TNS2: variants seen among roughly 807,000 people sequenced by gnomAD.
TNS2 encodes the protein tensin 2.
TNS2 carries 77 observed loss-of-function variants against 155.7 expected under a neutral mutation model. The ratio of observed to expected loss-of-function variants is 0.49; its 90% CI spans 0.41 to 0.60. TNS2 has a LOEUF of 0.60. Ranked by LOEUF, TNS2 falls within the 20% of genes least tolerant of loss-of-function variation. The probability of loss-of-function intolerance (pLI) is 0.00; values close to 1 mark genes in which losing one functional copy is unlikely to be tolerated. For missense variants in TNS2, 1,703 were observed against 1,868.8 expected (o/e 0.91, Z 1.64); for synonymous variants, 726 against 763.9 (o/e 0.95, Z 0.82).
Position 53,062,389 on chromosome 12 carries a change from C to G in TNS2, c.3681C>G (p.Ala1227=). 1 of 1,614,040 alleles carries G rather than the reference C, an allele frequency of 6.2e-7. No homozygotes were observed. ...CCTCTCCCACAGGCAGCCTGTCCGC[C>G]TTGGTCTCCCAGCACTCCATCTCCC... ...PSEPYFGSLS[A]LVSQHSISPI... is the part of the protein sequence containing the mutation. Residue 1227 remains alanine, a synonymous_variant, in exon 24 of 29, where the codon GCC becomes GCG. Coordinates refer to ENST00000314250, the MANE Select transcript of TNS2 (RefSeq NM_170754.4).
chr12:53,054,118 C>A (rs540967594), intron 6 of TNS2, 104 bp downstream of exon 6: 5 of 1,574,666 alleles, frequency 3.2e-6, no homozygotes, highest in African/African-American at 1.4e-5. Flanking sequence ...GACAGCCCCC[C>A]ACCCCCAAAG....
intron 11 of TNS2, 122 bp downstream of exon 11, chr12:53,057,218 A>G (rs1459653110): frequency 2.8e-6 from 3 of 1,087,282 alleles, no homozygotes; most frequent in Non-Finnish European, 4.1e-6. Context: ...CCAGGTGCTG[A>G]GAATTCAAAG....
In TNS2 at chr12:53,063,847, TTCA is replaced by T. The variant is rs1459183008; in HGVS notation, c.4199_4201del (p.Ile1400del). 6.2e-7 allele frequency: 1 copy of T among 1,613,978 alleles called. No individual in the cohort carries two copies. The highest frequency in any genetic ancestry group is 8.5e-7 in the Non-Finnish European group (1 of 1,180,032). The stretch of plus-strand genomic sequence containing the variant: ...TCAGCCTGCTGGCGCCATTGTCACC[TTCA>T]TCACCAAAGTTCTACTGGGCCAGAG... On this transcript the variant is annotated inframe_deletion, in exon 29 of 29. Transcript: ENST00000314250. The surrounding 1 kb of genome is among the most constrained non-coding windows in gnomAD (Gnocchi z 5.6).
Position 53,051,783 on chromosome 12 carries a change from C to T in TNS2, c.76-72C>T, listed in dbSNP as rs200350610. 2.2e-4 allele frequency: 269 copies of T among 1,229,970 alleles called. 1 individual carries two copies. In the East Asian group the frequency reaches 5.4e-3, roughly 25 times the overall value. The allele number at this position is 1,229,970 out of a possible 1,614,324, so 76.2% of individuals were successfully genotyped here. Reference sequence around the variant, plus strand: ...AAACCAGTGCAGTGCTAAGGCAAGGCTCCTGCCCAGTCCCGGAGATGGAGA... The same window carrying T: ...AAACCAGTGCAGTGCTAAGGCAAGGTTCCTGCCCAGTCCCGGAGATGGAGA... On this transcript the variant is annotated intron_variant, in intron 1 of 28. Coordinates refer to ENST00000314250, the MANE Select transcript of TNS2 (RefSeq NM_170754.4).
In TNS2 at chr12:53,060,754, T is replaced by TCCCAGGCAGGGG. The variant is rs1944352520; in HGVS notation, c.2858_2859insGGCCCAGGCAGG (p.Gly953_Thr954insAlaGlnAlaGly). 1.2e-6 allele frequency: 2 copies of TCCCAGGCAGGGG among 1,611,620 alleles called. No individual in the cohort carries two copies. Among genetic ancestry groups the TCCCAGGCAGGGG allele is most frequent in the Non-Finnish European group, 1.7e-6 (2 of 1,178,618 alleles). Reference sequence around the variant, plus strand: ...TCCTGGCGAGGCCTTGCCCCCTGTTTCCCAGGCAGGCACCGGAAAGGCCCC... The same window carrying TCCCAGGCAGGGG: ...TCCTGGCGAGGCCTTGCCCCCTGTTTCCCAGGCAGGGGCCCAGGCAGGCACCGGAAAGGCCCC... On this transcript the variant is annotated inframe_insertion, in exon 20 of 29. Transcript: ENST00000314250. The surrounding 1 kb of genome is among the most constrained non-coding windows in gnomAD (Gnocchi z 6.1).
intron 21 of TNS2, 65 bp downstream of exon 21, chr12:53,061,534 A>C: frequency 3.2e-6 from 5 of 1,556,990 alleles, no homozygotes. Flanking sequence ...CTTGGCTTTA[A>C]GTCCCATCCT....
chr12:53,051,986 T>C (rs548184223), intron 2 of TNS2, 23 bp downstream of exon 2: 1 of 1,582,758 alleles, frequency 6.3e-7, no homozygotes, highest in South Asian at 1.1e-5. Flanking sequence ...GTCCTGTGAC[T>C]CTGAGACCCT....
rs1433510501 is a variant in TNS2, at chr12:53,052,495, G to A, written c.222+3G>A. The A allele has an allele frequency of 2.5e-6, 4 of 1,613,818 alleles. No homozygotes were observed. The highest frequency in any genetic ancestry group is 4.5e-5 in the East Asian group (2 of 44,864). ...CGCACAGAAAATGTGAAGCAAAGGT[G>A]GGTATCTGATTCTACCTGATAGGGG... On this transcript the variant is annotated splice_donor_region_variant and intron_variant, in intron 3 of 28. Transcript: ENST00000314250.
intron 11 of TNS2, among the ~76,000 whole-genome samples, 186 bp downstream of exon 11, chr12:53,057,282 T>C (rs1442624568): frequency 6.6e-6 from 1 of 152,114 alleles, no homozygotes; most frequent in Non-Finnish European, 1.5e-5. Flanking sequence ...TGGAAGGCAG[T>C]AGACCTGGGA....
chr12:53,059,734 C>T lies in TNS2; in HGVS notation c.2093C>T (p.Ala698Val), dbSNP rs1046005193. The T allele has an allele frequency of 5.0e-6, 8 of 1,612,856 alleles. No homozygotes were observed. The highest frequency in any genetic ancestry group is 2.2e-5 in the East Asian group (1 of 44,874). ...TGCCCAGCCTGCGAGGAGAAGCTGG[C>T]GCTGCCTACAGCAGCCTTGTATGGA... is the stretch of plus-strand genomic sequence containing the variant. ...YPCPACEEKLALPTAALYGLR... is the reference protein window; with the variant it reads ...YPCPACEEKLVLPTAALYGLR... Residue 698 changes from alanine (A) to valine (V), a missense_variant, in exon 18 of 29, where the codon GCG becomes GTG. By Grantham distance (64) the Ala-to-Val change is moderately conservative (BLOSUM62 0). Coordinates refer to ENST00000314250, the MANE Select transcript of TNS2 (RefSeq NM_170754.4). This position sits in a 1 kb window ranked among gnomAD's most constrained non-coding sequence, Gnocchi z 4.7.
At position 53,058,851 on chromosome 12, in the gene TNS2, G is replaced by C. The variant is rs570421739; in HGVS notation, c.1405+24G>C. 8 of 1,610,266 alleles carry C rather than the reference G, an allele frequency of 5.0e-6. No individual in the cohort carries two copies. The South Asian group carries it at 6.6e-5, about 13-fold the overall frequency. ...TGGTGCGCAGGCAGCCTGCAGGGTG[G>C]GAGGTACAGGGTTGTGGCGGGACCC... On this transcript the variant is annotated intron_variant, in intron 17 of 28. Transcript: ENST00000314250.
rs770833538 is a variant in TNS2 at position 53,063,440 on chromosome 12, T to C, written c.4061+23T>C. ...GAGGTGACTCTCCCTCCAAACCCTT[T>C]GCCCCAAATCCCCATGGTCCCACCA... On this transcript the variant is annotated intron_variant, in intron 27 of 28. Transcript: ENST00000314250. The surrounding 1 kb of genome is among the most constrained non-coding windows in gnomAD (Gnocchi z 5.6). 28 of 1,613,528 alleles carry C rather than the reference T, an allele frequency of 1.7e-5. No homozygotes were observed. The highest frequency in any genetic ancestry group is 2.2e-5 in the South Asian group (2 of 91,058).
In TNS2 at chr12:53,060,500, T is replaced by A. The variant is rs1192486737; in HGVS notation, c.2713T>A (p.Leu905Met). 1 of 1,613,206 alleles carries A rather than the reference T, an allele frequency of 6.2e-7. No homozygotes were observed. Among genetic ancestry groups the A allele is most frequent in the Non-Finnish European group, 8.5e-7 (1 of 1,179,804 alleles). Residue 905 changes from leucine to methionine, a missense_variant, in exon 19 of 29, where the codon TTG becomes ATG. Physicochemically the swap from Leu to Met is conservative, Grantham distance 15 (BLOSUM62 2). Coordinates refer to ENST00000314250, the MANE Select transcript of TNS2 (RefSeq NM_170754.4). This position sits in a 1 kb window ranked among gnomAD's most constrained non-coding sequence, Gnocchi z 6.1. The part of the protein sequence containing the change: ...RDAPCSASSE[L>M]SGPSTPLHTS... ...TGCCCCATGCAGTGCTTCGTCAGAG[T>A]TGTCTGGTCCCTCCACGCCCCTGCA...
chr12:53,049,372 A>C, upstream of TNS2: 126 of 761,810 alleles, frequency 1.7e-4, no homozygotes, highest in East Asian at 8.7e-4. Flanking sequence ...AAGCCAGGGA[A>C]TGGGTGAGTG....
At position 53,059,551 on chromosome 12, in the gene TNS2, C is replaced by G. The variant is rs148720959; in HGVS notation, c.1910C>G (p.Ser637Trp). ...TCCCCCCAGGGCTACGCCGAGGCCTCGATGGAGAAGAGGCGCCTCTGCCGA... is the reference window on the plus strand; with the variant it reads ...TCCCCCCAGGGCTACGCCGAGGCCTGGATGGAGAAGAGGCGCCTCTGCCGA... The part of the protein sequence containing the change: ...EGSPQGYAEA[S>W]MEKRRLCRSL... Residue 637 changes from serine (S) to tryptophan (W), a missense_variant, in exon 18 of 29, where the codon TCG (serine) becomes TGG (tryptophan). Transcript: ENST00000314250. This position sits in a 1 kb window ranked among gnomAD's most constrained non-coding sequence, Gnocchi z 4.7. 6.3e-7 allele frequency: 1 copy of G among 1,594,226 alleles called. No individual in the cohort carries two copies. Among genetic ancestry groups the G allele is most frequent in the East Asian group, 2.2e-5 (1 of 44,760 alleles).
chr12:53,052,841 C>T (rs1943990648), intron 3 of TNS2, among the ~76,000 whole-genome samples: 1 of 151,972 alleles, frequency 6.6e-6, no homozygotes. Context: ...AGAGACTGGG[C>T]AGCCGGATGG....
In TNS2 at chr12:53,053,992, A is replaced by G. The variant is rs1328070938; in HGVS notation, c.328A>G (p.Lys110Glu). The change falls in exon 6 of 29, where the codon AAG becomes GAG. Residue 110 changes from lysine (K) to glutamate (E), a missense_variant. By Grantham distance (56) the Lys-to-Glu change is moderately conservative. Transcript: ENST00000314250. ...ATCCACCAAATCTCTGAACCACTCA[A>G]AGCAGCGCAGCACTCTGCCCAGGTA... ...LGSTKSLNHS[K>E]QRSTLPRSFS... 1 of 1,614,174 alleles carries G rather than the reference A, an allele frequency of 6.2e-7. No individual in the cohort carries two copies. Among genetic ancestry groups the G allele is most frequent in the Non-Finnish European group, 8.5e-7 (1 of 1,180,022 alleles).
intron 20 of TNS2, 33 bp from the exon 21 acceptor site, chr12:53,061,347 C>T: frequency 6.2e-7 from 1 of 1,613,526 alleles, no homozygotes; most frequent in Non-Finnish European, 8.5e-7. Flanking sequence ...CCCGGGTACC[C>T]TGGGGTCTGA....
At position 53,064,216 on chromosome 12, in the gene TNS2, T is replaced by G; in HGVS notation, c.*334T>G. On this transcript the variant is annotated 3_prime_UTR_variant, in exon 29 of 29. Coordinates refer to ENST00000314250, the MANE Select transcript of TNS2 (RefSeq NM_170754.4). ...CCTCCAGGGGATCAGCCCCTGCCAG[T>G]TCCACCCAGCTGCAGGTGCCAGCAC... 7.1e-6 allele frequency: 2 copies of G among 282,126 alleles called. No individual in the cohort carries two copies. Among genetic ancestry groups the G allele is most frequent in the Non-Finnish European group, 6.7e-6 (1 of 149,132 alleles). 17.5% of individuals were successfully genotyped at this position (282,126 alleles called of 1,614,324 possible).
Sources: allele counts gnomAD v4.1 joint callset (sites outside exome capture counted in the v4.1 genomes callset), GRCh38; gene constraint gnomAD v4.1.1; non-coding constraint Gnocchi (gnomAD v3.1); transcripts MANE v1.5; gene names NCBI Gene and HGNC (gene_info 2026-07-23, HGNC 2026-07-21).